Variants in GNG12 observed in about 807,000 individuals in gnomAD.
The protein encoded by GNG12 is guanine nucleotide-binding protein G(I)/G(S)/G(O) subunit gamma-12.
For synonymous variants in GNG12, 28 were observed against 29.7 expected, an observed-to-expected ratio of 0.94 and a Z score of 0.19; for missense variants, 69 against 83.8, an observed-to-expected ratio of 0.82 and a Z score of 0.69.
At chr1:67,763,088 C>CG (rs1179344604) in intron 2 of GNG12, among the ~76,000 whole-genome samples, 1 of 21,010 alleles carries the variant, frequency 4.8e-5, no homozygotes, top group Non-Finnish European at 1.1e-4. Context: ...CCTACCCTCC[C>CG]AGGAGAGAGA....
At chr1:67,728,908 T>C in intron 2 of GNG12, among the ~76,000 whole-genome samples, 1 of 152,260 alleles carries the variant, frequency 6.6e-6, no homozygotes, top group East Asian at 1.9e-4. Context: ...GGCACCACTG[T>C]TGGTAGTTCA....
At chr1:67,825,610 C>T (rs769740825) in intron 1 of GNG12, among the ~76,000 whole-genome samples, 7 of 152,186 alleles carry the variant, frequency 4.6e-5, no homozygotes, top group Non-Finnish European at 1.0e-4. Flanking sequence ...AACAAGACTC[C>T]GCACCTTTTA....
intron 2 of GNG12, among the ~76,000 whole-genome samples, chr1:67,728,818 C>T (rs1570491736): frequency 6.6e-6 from 1 of 152,128 alleles, no homozygotes; most frequent in Non-Finnish European, 1.5e-5. Context: ...GGCCCCCCCA[C>T]ACAGAAACCC....
At position 67,741,105 on chromosome 1, in the gene GNG12, C is replaced by T. The variant is rs658695; in HGVS notation, c.-26-33393G>A. ...ATGCATTAATCAGACAGCTTATTAC[C>T]TAATTTGAACCTCAGTTCATTTTTA... On this transcript the variant is annotated intron_variant, in intron 2 of 3. Transcript: ENST00000370982. Among the ~76,000 whole-genome samples the T allele has an allele frequency of 8.4e-3, 1,282 of 152,238 alleles. 23 individuals are homozygous for T. The highest frequency in any genetic ancestry group is 0.03 in the African/African-American group (1,235 of 41,526).
Position 67,773,733 on chromosome 1 carries a change from A to G in GNG12, c.-27+3725T>C, listed in dbSNP as rs3753370. On this transcript the variant is annotated intron_variant, in intron 2 of 3. Transcript: ENST00000370982. ...TAACATTCACAGAGCACTATCAGGA[A>G]GTTATTTTTCTTTTAGAACAGGGAT... 5.9e-5 allele frequency among the ~76,000 whole-genome samples: 9 copies of G among 152,306 alleles called. No homozygotes were observed. In the East Asian group the frequency reaches 1.5e-3, roughly 26 times the overall value.
intron 2 of GNG12, among the ~76,000 whole-genome samples, chr1:67,770,852 C>T (rs908487835): frequency 6.6e-6 from 1 of 152,172 alleles, no homozygotes; most frequent in African/African-American, 2.4e-5. Flanking sequence ...CTGGAGGCCA[C>T]TGGAGGGGGA....
At chr1:67,716,160 G>A (rs559808899) in intron 2 of GNG12, among the ~76,000 whole-genome samples, 3 of 152,180 alleles carry the variant, frequency 2.0e-5, no homozygotes, top group Non-Finnish European at 4.4e-5. Context: ...AGGGAAGACA[G>A]AGTGTCTAGA....
At chr1:67,826,732 A>G (rs1051982055) in intron 1 of GNG12, among the ~76,000 whole-genome samples, 1 of 152,204 alleles carries the variant, frequency 6.6e-6, no homozygotes, top group African/African-American at 2.4e-5. Context: ...AGGCTTTTAG[A>G]TTTTGATTCC....
chr1:67,712,971 C>T (rs953507194), intron 2 of GNG12, among the ~76,000 whole-genome samples: 2 of 152,052 alleles, frequency 1.3e-5, no homozygotes, highest in Non-Finnish European at 2.9e-5. Flanking sequence ...TCTGGTGATC[C>T]GCCTGCCTTG....
At chr1:67,827,079 T>G (rs1005134239) in intron 1 of GNG12, among the ~76,000 whole-genome samples, 11 of 152,232 alleles carry the variant, frequency 7.2e-5, no homozygotes, top group Non-Finnish European at 1.6e-4. Context: ...CTACACACAA[T>G]GCAAGTGCAG....
intron 1 of GNG12, among the ~76,000 whole-genome samples, chr1:67,798,287 C>G (rs1026401121): frequency 6.6e-6 from 1 of 152,110 alleles, no homozygotes; most frequent in Non-Finnish European, 1.5e-5. Flanking sequence ...ACTGTGCATG[C>G]GCAGAATCTA....
At chr1:67,756,900 G>A (rs537641895) in intron 2 of GNG12, among the ~76,000 whole-genome samples, 3 of 152,330 alleles carry the variant, frequency 2.0e-5, no homozygotes, top group South Asian at 4.1e-4. Flanking sequence ...ACCCTGCTGA[G>A]GTTCAGGTAT....
At chr1:67,710,639 G>T (rs1274439303) in intron 2 of GNG12, among the ~76,000 whole-genome samples, 2 of 152,052 alleles carry the variant, frequency 1.3e-5, no homozygotes, top group African/African-American at 4.8e-5. Context: ...GTACATGAAG[G>T]TCTTTCTTAC....
At chr1:67,815,198 A>G (rs978341573) in intron 1 of GNG12, among the ~76,000 whole-genome samples, 2 of 152,226 alleles carry the variant, frequency 1.3e-5, no homozygotes, top group African/African-American at 4.8e-5. Context: ...CAAGGCCACA[A>G]ATCGTTTCTA....
intron 1 of GNG12, among the ~76,000 whole-genome samples, chr1:67,778,256 T>A (rs1055069648): frequency 2.6e-5 from 4 of 152,100 alleles, no homozygotes; most frequent in African/African-American, 7.2e-5. Context: ...ACAGAAATCA[T>A]TAACAAGATA....
At chr1:67,761,653 T>C (rs1646605576) in intron 2 of GNG12, among the ~76,000 whole-genome samples, 1 of 152,088 alleles carries the variant, frequency 6.6e-6, no homozygotes, top group Admixed American at 6.5e-5. Context: ...GTTTTATGAT[T>C]CCAAATAAAT....
chr1:67,801,647 T>A (rs2100797109), intron 1 of GNG12, among the ~76,000 whole-genome samples: 1 of 152,284 alleles, frequency 6.6e-6, no homozygotes, highest in South Asian at 2.1e-4. Context: ...GAGAGCAATT[T>A]GTGTCCTATT....
intron 2 of GNG12, among the ~76,000 whole-genome samples, chr1:67,744,304 G>C (rs1274224300): frequency 6.6e-6 from 1 of 152,030 alleles, no homozygotes; most frequent in Non-Finnish European, 1.5e-5. Context: ...TGGTTCCCCG[G>C]GTGCCTACTA....
chr1:67,731,632 G>C (rs1203802620), intron 2 of GNG12, among the ~76,000 whole-genome samples: 1 of 152,246 alleles, frequency 6.6e-6, no homozygotes, highest in Non-Finnish European at 1.5e-5. Context: ...TGAAGATCTG[G>C]AAGGGTGTAG....
Sources: allele counts gnomAD v4.1 joint callset (sites outside exome capture counted in the v4.1 genomes callset), GRCh38; gene constraint gnomAD v4.1.1; transcripts MANE v1.5; gene names NCBI Gene and HGNC (gene_info 2026-07-23, HGNC 2026-07-21).